Variants in BICC1 observed in about 807,000 individuals in gnomAD.
BICC1 encodes the protein protein bicaudal C homolog 1.
A neutral mutation model predicts 111.0 loss-of-function variants in BICC1; 43 were observed. The observed-to-expected ratio is 0.39, with a 90% CI of 0.30 to 0.50. The LOEUF (loss-of-function observed/expected upper bound fraction) is 0.50, where lower values mean the gene tolerates loss of function less well. Ranked by LOEUF, BICC1 falls within the 20% of genes least tolerant of loss-of-function variation. The probability of loss-of-function intolerance (pLI) is 0.88; values close to 1 mark genes in which losing one functional copy is unlikely to be tolerated. For missense variants in BICC1, 1,091 were observed against 1,203.2 expected (o/e 0.91, Z 1.38); for synonymous variants, 467 against 434.4 (o/e 1.07, Z -0.93).
Position 58,756,626 on chromosome 10 carries a change from C to CTTTTTTTT in BICC1, c.308-28350_308-28343dup, listed in dbSNP as rs66709538. Among the ~76,000 whole-genome samples the CTTTTTTTT allele has an allele frequency of 5.9e-5, 8 of 135,920 alleles. 1 individual carries two copies. Among genetic ancestry groups the CTTTTTTTT allele is most frequent in the African/African-American group, 1.8e-4 (6 of 33,780 alleles). 89.2% of individuals were successfully genotyped at this position (135,920 alleles called of 152,430 possible). A position where few individuals can be genotyped will look rare whatever the true frequency, so the allele number is the denominator to read the frequency against. Reference sequence around the variant, plus strand: ...CCAGGACCCTTTAGCAACTACTAGCCTTTTTTTTTTTTTTTTTTTTTTTTT... The same window carrying CTTTTTTTT: ...CCAGGACCCTTTAGCAACTACTAGCCTTTTTTTTTTTTTTTTTTTTTTTTTTTTTTTTT... On this transcript the variant is annotated intron_variant, in intron 3 of 20. Transcript: ENST00000373886.
At chr10:58,521,637 A>G (rs1842389565) in intron 1 of BICC1, among the ~76,000 whole-genome samples, 1 of 144,304 alleles carries the variant, frequency 6.9e-6, no homozygotes, top group Non-Finnish European at 1.5e-5. Flanking sequence ...AATTACCAAT[A>G]TAAAGTTAGA....
At chr10:58,745,851 G>A (rs936209174) in intron 3 of BICC1, among the ~76,000 whole-genome samples, 23 of 152,120 alleles carry the variant, frequency 1.5e-4, no homozygotes, top group African/African-American at 5.5e-4. Flanking sequence ...GGATTTAAGG[G>A]TTAGGATGTG....
chr10:58,565,152 A>C (rs1409742464), intron 1 of BICC1, among the ~76,000 whole-genome samples: 2 of 152,172 alleles, frequency 1.3e-5, no homozygotes, highest in African/African-American at 2.4e-5. Flanking sequence ...ATAGAGATGC[A>C]TTTCATATTT....
intron 2 of BICC1, among the ~76,000 whole-genome samples, chr10:58,668,739 T>C (rs1209801729): frequency 6.6e-6 from 1 of 151,994 alleles, no homozygotes; most frequent in African/African-American, 2.4e-5. Flanking sequence ...TATTTTTCCT[T>C]CTCTTCTACT....
At chr10:58,520,829 T>G (rs909587612) in intron 1 of BICC1, among the ~76,000 whole-genome samples, 6 of 151,982 alleles carry the variant, frequency 3.9e-5, no homozygotes, top group African/African-American at 1.4e-4. Context: ...TAACCACTGA[T>G]GATATTTTAG....
intron 1 of BICC1, among the ~76,000 whole-genome samples, chr10:58,606,989 G>A (rs978329715): frequency 9.2e-5 from 14 of 152,150 alleles, no homozygotes; most frequent in African/African-American, 3.4e-4. Context: ...TCTTGGATAA[G>A]ATTGTGATAT....
intron 3 of BICC1, among the ~76,000 whole-genome samples, chr10:58,712,617 A>G (rs1840611976): frequency 1.3e-5 from 2 of 152,176 alleles, no homozygotes; most frequent in Admixed American, 1.3e-4. Flanking sequence ...AAGGCTACAT[A>G]CTTTATGATT....
intron 2 of BICC1, among the ~76,000 whole-genome samples, chr10:58,694,173 A>G (rs1175559638): frequency 1.3e-5 from 2 of 152,008 alleles, no homozygotes; most frequent in African/African-American, 2.4e-5. Flanking sequence ...CATTTCCAGC[A>G]TTGTCATTTT....
intron 20 of BICC1, among the ~76,000 whole-genome samples, chr10:58,824,467 G>A (rs1200862091): frequency 6.6e-6 from 1 of 152,298 alleles, no homozygotes; most frequent in East Asian, 1.9e-4. Flanking sequence ...TATAGGGGCA[G>A]GCGTTTACAT....
chr10:58,821,360 C>G (rs1844246750), intron 20 of BICC1, among the ~76,000 whole-genome samples: 1 of 152,138 alleles, frequency 6.6e-6, no homozygotes, highest in South Asian at 2.1e-4. Flanking sequence ...AATTTGCAGG[C>G]TATGCCTCAG....
intron 2 of BICC1, among the ~76,000 whole-genome samples, chr10:58,645,338 C>T (rs534148149): frequency 1.1e-4 from 14 of 125,654 alleles, no homozygotes; most frequent in Admixed American, 7.4e-4. Context: ...ACCCGGGAGG[C>T]GGAGCTTGCA....
intron 1 of BICC1, among the ~76,000 whole-genome samples, chr10:58,616,164 C>T (rs1019954904): frequency 3.9e-5 from 6 of 152,136 alleles, no homozygotes; most frequent in Non-Finnish European, 7.4e-5. Context: ...CTGGGGCTGT[C>T]GTCTCAGCTG....
At chr10:58,791,980 T>A (rs996188610) in intron 8 of BICC1, among the ~76,000 whole-genome samples, 1 of 152,012 alleles carries the variant, frequency 6.6e-6, no homozygotes, top group Admixed American at 6.6e-5. Context: ...TTAGTAGAGA[T>A]GGGGTTTCAC....
intron 3 of BICC1, among the ~76,000 whole-genome samples, chr10:58,735,458 C>G (rs1841438535): frequency 6.6e-6 from 1 of 152,120 alleles, no homozygotes; most frequent in Admixed American, 6.5e-5. Context: ...TTATAACCAT[C>G]TGATGAGGGG....
intron 3 of BICC1, among the ~76,000 whole-genome samples, chr10:58,773,589 C>G (rs1842674570): frequency 6.6e-6 from 1 of 152,208 alleles, no homozygotes; most frequent in African/African-American, 2.4e-5. Context: ...TGCCAAGAGA[C>G]TACTCAGTGG....
At chr10:58,689,567 ATG>A (rs1839853417) in intron 2 of BICC1, among the ~76,000 whole-genome samples, 1 of 152,182 alleles carries the variant, frequency 6.6e-6, no homozygotes, top group African/African-American at 2.4e-5. Context: ...AAGGAGCAAT[ATG>A]TGTTTTAAAG....
chr10:58,739,734 T>C (rs1238625071), intron 3 of BICC1, among the ~76,000 whole-genome samples: 1 of 152,192 alleles, frequency 6.6e-6, no homozygotes, highest in Non-Finnish European at 1.5e-5. Context: ...TATAGATATA[T>C]GTACACATAT....
intron 1 of BICC1, among the ~76,000 whole-genome samples, chr10:58,520,563 C>T (rs1658494): frequency 0.54 from 82,088 of 152,014 alleles, 23,231 homozygotes; most frequent in African/African-American, 0.71. Context: ...AAAAAGATAA[C>T]ACTTTCTAGG....
intron 3 of BICC1, among the ~76,000 whole-genome samples, chr10:58,738,977 A>G (rs1589084203): frequency 6.6e-6 from 1 of 151,826 alleles, no homozygotes; most frequent in Admixed American, 6.6e-5. Flanking sequence ...GCTTAAGGAG[A>G]TTTGGGGCTG....
Sources: allele counts gnomAD v4.1 joint callset (sites outside exome capture counted in the v4.1 genomes callset), GRCh38; gene constraint gnomAD v4.1.1; transcripts MANE v1.5; gene names NCBI Gene and HGNC (gene_info 2026-07-23, HGNC 2026-07-21).